The following PHKB variants were observed in gnomAD, a reference collection of about 807,000 sequenced individuals.
The protein encoded by PHKB is phosphorylase b kinase regulatory subunit beta.
PHKB carries 122 observed loss-of-function variants against 152.1 expected under a neutral mutation model. The ratio of observed to expected loss-of-function variants is 0.80; its 90% CI spans 0.69 to 0.93. The LOEUF (loss-of-function observed/expected upper bound fraction) is 0.93, where lower values mean the gene tolerates loss of function less well. Among genes scored for constraint, PHKB ranks in the 40% least tolerant of loss-of-function variants. PHKB has a pLI of 0.00. For synonymous variants in PHKB, 436 were observed against 464.9 expected (o/e 0.94, Z 0.80); for missense variants, 1,304 against 1,328.4 (o/e 0.98, Z 0.29).
At chr16:47,475,083 G>T (rs765361247) in intron 1 of PHKB, among the ~76,000 whole-genome samples, 1 of 152,008 alleles carries the variant, frequency 6.6e-6, no homozygotes, top group Non-Finnish European at 1.5e-5. Context: ...TTTATAATTC[G>T]CATCTAAACT....
chr16:47,660,769 A>C lies in PHKB; in HGVS notation c.2146A>C (p.Ile716Leu). 1 of 1,614,138 alleles carries C rather than the reference A, an allele frequency of 6.2e-7. No homozygotes were observed. The highest frequency in any genetic ancestry group is 1.1e-5 in the South Asian group (1 of 91,080). Residue 716 changes from isoleucine (I) to leucine (L), a missense_variant, in exon 22 of 31, where the codon ATT (isoleucine) becomes CTT (leucine). Physicochemically the swap from Ile to Leu is conservative, Grantham distance 5 (BLOSUM62 2). Transcript: ENST00000323584. ...PELGQQPDVN[I>L]SEWKDKPTHE... ...ACTGGGACAGCAGCCGGATGTCAACATTAGTGAATGGAAGGACAAACCCAC... is the reference window on the plus strand; with the variant it reads ...ACTGGGACAGCAGCCGGATGTCAACCTTAGTGAATGGAAGGACAAACCCAC...
chr16:47,506,027 C>CAAAAAAAA (rs1198434467), intron 4 of PHKB, among the ~76,000 whole-genome samples: 1 of 50,208 alleles, frequency 2.0e-5, no homozygotes, highest in Non-Finnish European at 4.1e-5. Flanking sequence ...GAAACTGTCT[C>CAAAAAAAA]AAAAAAAAAA....
At chr16:47,679,153 A>G (rs1973797360) in intron 26 of PHKB, among the ~76,000 whole-genome samples, 2 of 152,150 alleles carry the variant, frequency 1.3e-5, no homozygotes, top group South Asian at 2.1e-4. Flanking sequence ...TACCAGTACC[A>G]TGCTGTTTTG....
chr16:47,545,204 CT>C (rs1315796900), intron 6 of PHKB, among the ~76,000 whole-genome samples: 1 of 152,120 alleles, frequency 6.6e-6, no homozygotes, highest in Non-Finnish European at 1.5e-5. Context: ...GTCTTTCCAT[CT>C]GGCATGTTTT....
intron 6 of PHKB, among the ~76,000 whole-genome samples, chr16:47,528,698 T>TTC (rs1224080328): frequency 6.7e-6 from 1 of 148,422 alleles, no homozygotes; most frequent in African/African-American, 2.5e-5. Flanking sequence ...GACTTTTTCT[T>TTC]TTTTTTTTTT....
At chr16:47,589,522 C>T (rs1971991796) in intron 10 of PHKB, among the ~76,000 whole-genome samples, 1 of 152,160 alleles carries the variant, frequency 6.6e-6, no homozygotes, top group Admixed American at 6.5e-5. Flanking sequence ...TCCTTTCATT[C>T]TATTAAGCAA....
intron 14 of PHKB, among the ~76,000 whole-genome samples, chr16:47,626,261 T>C (rs1018214789): frequency 6.6e-6 from 1 of 152,238 alleles, no homozygotes. Flanking sequence ...TCAGTGAAGA[T>C]GGCTCTGTGG....
Position 47,622,640 on chromosome 16 carries a change from G to A in PHKB, c.1458+11720G>A, listed in dbSNP as rs531089122. On this transcript the variant is annotated intron_variant, in intron 14 of 30. Transcript: ENST00000323584. Reference sequence around the variant, plus strand: ...GACACCCAAGCTTTGAATCTGTGAAGTAGACTAGCCCATTTAATATGCCAA... The same window carrying A: ...GACACCCAAGCTTTGAATCTGTGAAATAGACTAGCCCATTTAATATGCCAA... Among the ~76,000 whole-genome samples the A allele has an allele frequency of 8.4e-4, 128 of 152,302 alleles. 1 individual carries two copies. The highest frequency in any genetic ancestry group is 2.9e-3 in the African/African-American group (122 of 41,574).
chr16:47,548,010 A>G (rs1261391298), intron 7 of PHKB: 2 of 178,932 alleles, frequency 1.1e-5, no homozygotes, highest in Non-Finnish European at 2.4e-5. Context: ...CTTAACATTC[A>G]TTGTTACCAG....
intron 1 of PHKB, among the ~76,000 whole-genome samples, chr16:47,470,326 C>A (rs150602346): frequency 1.8e-4 from 27 of 152,304 alleles, no homozygotes; most frequent in Non-Finnish European, 2.9e-4. Context: ...ATGGGTTGGG[C>A]AAGTTAACTG....
At chr16:47,612,003 C>T (rs563397214) in intron 14 of PHKB, among the ~76,000 whole-genome samples, 1 of 152,078 alleles carries the variant, frequency 6.6e-6, no homozygotes, top group African/African-American at 2.4e-5. Flanking sequence ...CAGCACTTGG[C>T]GACGTGTTGG....
intron 7 of PHKB, among the ~76,000 whole-genome samples, chr16:47,551,789 A>G (rs1309671468): frequency 1.3e-5 from 2 of 152,076 alleles, no homozygotes; most frequent in East Asian, 3.8e-4. Context: ...CTGTCTCGTT[A>G]TTTGTCTAAT....
intron 9 of PHKB, among the ~76,000 whole-genome samples, chr16:47,588,021 G>GCAA (rs538677192): frequency 2.6e-4 from 39 of 152,146 alleles, no homozygotes; most frequent in Admixed American, 2.6e-3. Context: ...TGGGGGAGTA[G>GCAA]CAACATTAGG....
chr16:47,667,508 T>A (rs1973560254), intron 25 of PHKB, among the ~76,000 whole-genome samples: 1 of 152,096 alleles, frequency 6.6e-6, no homozygotes, highest in South Asian at 2.1e-4. Flanking sequence ...TTCTCCAAAT[T>A]ATTGAGAGGT....
chr16:47,485,307 G>C (rs192229237), intron 1 of PHKB, among the ~76,000 whole-genome samples: 4 of 152,292 alleles, frequency 2.6e-5, no homozygotes, highest in Admixed American at 6.5e-5. Context: ...TTCTCAAAGA[G>C]ATATCAGTCA....
In PHKB at chr16:47,660,571, A is replaced by G. The variant is rs1174797335; in HGVS notation, c.2033+4A>G. ...TACGAATCAGTGACACAGAAGAGTA[A>G]GTCCCTTTGGGTTATTTCATTTTTG... On this transcript the variant is annotated splice_donor_region_variant and intron_variant, in intron 21 of 30. Coordinates refer to ENST00000323584, the MANE Select transcript of PHKB (RefSeq NM_000293.3). 6.2e-7 allele frequency: 1 copy of G among 1,613,016 alleles called. No individual in the cohort carries two copies. Among genetic ancestry groups the G allele is most frequent in the Non-Finnish European group, 8.5e-7 (1 of 1,178,998 alleles).
At chr16:47,464,101 G>T in intron 1 of PHKB, 1 of 813,628 alleles carries the variant, frequency 1.2e-6, no homozygotes, top group Non-Finnish European at 2.2e-6. Flanking sequence ...CTTCTTTGGT[G>T]GGCCCAGGCC....
chr16:47,696,517 A>AT, intron 29 of PHKB, 29 bp downstream of exon 29: 1 of 1,176,978 alleles, frequency 8.5e-7, no homozygotes, highest in East Asian at 2.3e-5. Flanking sequence ...AGATTGCTGA[A>AT]TAAATGCCTT....
chr16:47,676,552 ACTCT>A (rs1430045718), intron 26 of PHKB: 2 of 151,522 alleles, frequency 1.3e-5, no homozygotes, highest in South Asian at 2.1e-4. Context: ...AGGTTTAACT[ACTCT>A]CTCTTAGTGT....
Sources: allele counts gnomAD v4.1 joint callset (sites outside exome capture counted in the v4.1 genomes callset), GRCh38; gene constraint gnomAD v4.1.1; transcripts MANE v1.5; gene names NCBI Gene and HGNC (gene_info 2026-07-23, HGNC 2026-07-21).